RBMS2: variants seen among roughly 807,000 people sequenced by gnomAD.
The protein encoded by RBMS2 is RNA-binding motif, single-stranded-interacting protein 2.
A neutral mutation model predicts 58.4 loss-of-function variants in RBMS2; 38 were observed. The ratio of observed to expected loss-of-function variants is 0.65; its 90% confidence interval spans 0.50 to 0.85. The LOEUF (loss-of-function observed/expected upper bound fraction) is 0.85, where lower values mean the gene tolerates loss of function less well. Ranked by LOEUF, RBMS2 falls within the 40% of genes least tolerant of loss-of-function variation. The pLI, the probability that RBMS2 is intolerant of heterozygous loss-of-function variation, is 0.00. For synonymous variants in RBMS2, 151 were observed against 180.7 expected (o/e 0.84, Z 1.32); for missense variants, 367 against 503.7 (o/e 0.73, Z 2.60).
intron 5 of RBMS2, among the ~76,000 whole-genome samples, chr12:56,575,127 C>T (rs946121314): frequency 2.6e-5 from 4 of 151,378 alleles, no homozygotes; most frequent in Non-Finnish European, 2.9e-5. Context: ...TCAGCCTGGG[C>T]GACATGCACT....
At chr12:56,581,749 A>G in intron 7 of RBMS2, 84 bp from the exon 8 acceptor site, 2 of 1,507,764 alleles carry the variant, frequency 1.3e-6, no homozygotes, top group Non-Finnish European at 1.8e-6. Context: ...TTAAACCAAA[A>G]CATTCCCAGC....
At chr12:56,579,552 T>G (rs1883617096) in intron 5 of RBMS2, among the ~76,000 whole-genome samples, 1 of 150,700 alleles carries the variant, frequency 6.6e-6, no homozygotes, top group Non-Finnish European at 1.5e-5. Context: ...GAGAATGGTG[T>G]GAACCCAGGA....
intron 5 of RBMS2, chr12:56,580,201 G>A (rs1883732152): frequency 5.2e-6 from 2 of 387,120 alleles, no homozygotes; most frequent in Non-Finnish European, 1.0e-5. Context: ...AAAGTGCTGG[G>A]ATTACAGGCG....
chr12:56,574,171 G>A (rs192627714), intron 5 of RBMS2, among the ~76,000 whole-genome samples: 38 of 152,256 alleles, frequency 2.5e-4, no homozygotes, highest in Non-Finnish European at 5.9e-5. Flanking sequence ...AAAATTTCCT[G>A]ACAGCAGTAA....
intron 12 of RBMS2, 75 bp from the exon 13 acceptor site, chr12:56,588,857 G>C: frequency 6.9e-7 from 1 of 1,442,372 alleles, no homozygotes; most frequent in Non-Finnish European, 9.7e-7. Flanking sequence ...TGTAGGGTGG[G>C]CTTTGGTCAG....
At chr12:56,555,927 T>C (rs549896086) in intron 1 of RBMS2, among the ~76,000 whole-genome samples, 4 of 152,104 alleles carry the variant, frequency 2.6e-5, no homozygotes, top group African/African-American at 9.6e-5. Context: ...GTGCCTTTAG[T>C]CCTAGCTACT....
intron 5 of RBMS2, among the ~76,000 whole-genome samples, chr12:56,579,961 GCT>G (rs1200331500): frequency 1.3e-5 from 2 of 152,058 alleles, no homozygotes; most frequent in African/African-American, 4.8e-5. Context: ...ACGGAGTCTT[GCT>G]CTGTCACCTA....
rs1185431245 is a variant in RBMS2 at position 56,592,282 on chromosome 12, C to A, written c.*3149C>A. On this transcript the variant is annotated 3_prime_UTR_variant, in exon 14 of 14. Coordinates refer to ENST00000262031, the MANE Select transcript of RBMS2 (RefSeq NM_002898.4). Reference sequence around the variant, plus strand: ...ATAACATTCTTAAAATATTTTAGTACTTGGCATTTTTCTGTTTTCAGTCAG... The same window carrying A: ...ATAACATTCTTAAAATATTTTAGTAATTGGCATTTTTCTGTTTTCAGTCAG... The A allele has an allele frequency of 6.6e-6, 1 of 152,172 alleles. No homozygotes were observed. The highest frequency in any genetic ancestry group is 2.4e-5 in the African/African-American group (1 of 41,446). The allele number at this position is 152,172 out of a possible 1,614,324, so 9.4% of individuals were successfully genotyped here.
chr12:56,524,231 T>C (rs1216997934), intron 1 of RBMS2, among the ~76,000 whole-genome samples: 1 of 152,050 alleles, frequency 6.6e-6, no homozygotes, highest in Non-Finnish European at 1.5e-5. Flanking sequence ...TTGGAATTGG[T>C]TGGGGAGGAT....
At chr12:56,573,637 A>ACTCT (rs1882694912) in intron 5 of RBMS2, among the ~76,000 whole-genome samples, 2 of 152,156 alleles carry the variant, frequency 1.3e-5, no homozygotes. Flanking sequence ...CAGGTTGAGC[A>ACTCT]GAGGTTCTTA....
chr12:56,577,190 G>A (rs1883249301), intron 5 of RBMS2, among the ~76,000 whole-genome samples: 2 of 151,974 alleles, frequency 1.3e-5, no homozygotes, highest in Non-Finnish European at 2.9e-5. Flanking sequence ...GATCACCTGA[G>A]GTCAGGAGTT....
At chr12:56,581,373 T>G in intron 6 of RBMS2, 26 bp from the exon 7 acceptor site, 1 of 1,610,090 alleles carries the variant, frequency 6.2e-7, no homozygotes, top group Non-Finnish European at 8.5e-7. Context: ...GGGACTCAGC[T>G]GCCCATCTGC....
At chr12:56,538,993 A>G (rs796226723) in intron 1 of RBMS2, among the ~76,000 whole-genome samples, 1 of 126,274 alleles carries the variant, frequency 7.9e-6, no homozygotes, top group African/African-American at 2.9e-5. Flanking sequence ...ATTCGTTGTT[A>G]GTTATATAAA....
chr12:56,579,245 G>A (rs951845551), intron 5 of RBMS2, among the ~76,000 whole-genome samples: 2 of 152,202 alleles, frequency 1.3e-5, no homozygotes, highest in African/African-American at 4.8e-5. Context: ...TGGAAAGACT[G>A]TAAGGGGTAG....
intron 1 of RBMS2, among the ~76,000 whole-genome samples, chr12:56,547,955 T>G (rs1408655127): frequency 6.6e-6 from 1 of 151,892 alleles, no homozygotes; most frequent in East Asian, 1.9e-4. Flanking sequence ...CCCAGCCCAT[T>G]CTGCTACTTT....
chr12:56,543,512 T>C (rs1876542400), intron 1 of RBMS2, among the ~76,000 whole-genome samples: 1 of 132,676 alleles, frequency 7.5e-6, no homozygotes, highest in Non-Finnish European at 1.6e-5. Context: ...GAGAGTCACC[T>C]TTTTTTTTTT....
At position 56,589,209 on chromosome 12, in the gene RBMS2, G is replaced by C; in HGVS notation, c.*76G>C. The C allele has an allele frequency of 6.6e-7, 1 of 1,512,870 alleles. No individual in the cohort carries two copies. The highest frequency in any genetic ancestry group is 8.9e-7 in the Non-Finnish European group (1 of 1,127,572). The allele number at this position is 1,512,870 out of a possible 1,614,324, so 93.7% of individuals were successfully genotyped here. ...ATACTCATGCTCCCAGATTCCAGAG[G>C]GTTAACCAGGAATGGAGACCATCCG... On this transcript the variant is annotated 3_prime_UTR_variant, in exon 14 of 14. Transcript: ENST00000262031.
rs772240047 is a variant in RBMS2 at position 56,595,934 on chromosome 12, T to TATCA, written c.*6803_*6806dup. The TATCA allele has an allele frequency of 9.6e-5, 5 of 52,000 alleles. No individual in the cohort carries two copies. The highest frequency in any genetic ancestry group is 2.6e-4 in the African/African-American group (3 of 11,698). 3.2% of individuals were successfully genotyped at this position (52,000 alleles called of 1,614,324 possible). On this transcript the variant is annotated 3_prime_UTR_variant, in exon 14 of 14. Coordinates refer to ENST00000262031, the MANE Select transcript of RBMS2 (RefSeq NM_002898.4). ...GAATACACAGAGTCTTTTGAATCTC[T>TATCA]ATCAAATGTGGTTTTTTTTATTCAA...
At chr12:56,567,647 G>T (rs927301084) in intron 2 of RBMS2, among the ~76,000 whole-genome samples, 1 of 151,970 alleles carries the variant, frequency 6.6e-6, no homozygotes, top group Non-Finnish European at 1.5e-5. Context: ...GACCAGCCTG[G>T]GTAGCATAGT....
Sources: allele counts gnomAD v4.1 joint callset (sites outside exome capture counted in the v4.1 genomes callset), GRCh38; gene constraint gnomAD v4.1.1; transcripts MANE v1.5; gene names NCBI Gene and HGNC (gene_info 2026-07-23, HGNC 2026-07-21).